OSBPL9: variants seen among roughly 807,000 people sequenced by gnomAD.
OSBPL9 encodes oxysterol-binding protein-related protein 9.
Under a neutral mutation model 106.6 loss-of-function variants are expected in OSBPL9, and 40 were observed. The ratio of observed to expected loss-of-function variants is 0.38; its 90% CI spans 0.29 to 0.49. The LOEUF (loss-of-function observed/expected upper bound fraction) is 0.49, where lower values mean the gene tolerates loss of function less well. Ranked by LOEUF, OSBPL9 falls within the 20% of genes least tolerant of loss-of-function variation. The pLI is 0.97. For synonymous variants in OSBPL9, 269 were observed against 295.4 expected (o/e 0.91, Z 0.92); for missense variants, 609 against 887.2 (o/e 0.69, Z 3.98).
the OSBPL9 span, chr1:51,518,560 GA>G: frequency 6.5e-6 from 1 of 152,802 alleles, no homozygotes; most frequent in African/African-American, 2.4e-5. Flanking sequence ...CTGAACGGAG[GA>G]AGGGGCCGGC....
the OSBPL9 span, among the ~76,000 whole-genome samples, chr1:51,546,248 C>T: frequency 6.6e-6 from 1 of 152,042 alleles, no homozygotes. Flanking sequence ...AATTCCTGAG[C>T]GCAAGCGATC....
At chr1:51,720,153 G>A (rs985776637) in intron 4 of OSBPL9, among the ~76,000 whole-genome samples, 6 of 152,122 alleles carry the variant, frequency 3.9e-5, no homozygotes, top group African/African-American at 1.4e-4. Flanking sequence ...AAGTAACTTG[G>A]TTTTAAGGTT....
intron 1 of OSBPL9, among the ~76,000 whole-genome samples, chr1:51,586,677 C>T (rs1175553235): frequency 6.6e-6 from 1 of 152,174 alleles, no homozygotes. Context: ...ACAATCCTAC[C>T]AGCCAGGCCC....
chr1:51,530,186 AAAAAAAC>A, the OSBPL9 span, among the ~76,000 whole-genome samples: 240 of 105,100 alleles, frequency 2.3e-3, 40 homozygotes, highest in African/African-American at 5.5e-3. Flanking sequence ...AAAAAAAAAA[AAAAAAAC>A]AAAAAAAAAA....
At chr1:51,740,259 A>AAAG in intron 4 of OSBPL9, 1 of 1,462,510 alleles carries the variant, frequency 6.8e-7, no homozygotes, top group Non-Finnish European at 9.0e-7. Context: ...TCATTGGATG[A>AAAG]AAGCTTATCT....
intron 1 of OSBPL9, among the ~76,000 whole-genome samples, chr1:51,585,775 C>CA (rs60469119): frequency 1.3e-5 from 2 of 150,530 alleles, no homozygotes; most frequent in Admixed American, 6.6e-5. Context: ...GACTCCATCT[C>CA]AAAAAATAAA....
At chr1:51,694,885 G>A (rs908679938) in intron 3 of OSBPL9, among the ~76,000 whole-genome samples, 1 of 152,186 alleles carries the variant, frequency 6.6e-6, no homozygotes, top group African/African-American at 2.4e-5. Context: ...GGCAATAAAT[G>A]TTGTCAATTT....
chr1:51,722,236 C>T (rs777691319), intron 4 of OSBPL9, among the ~76,000 whole-genome samples: 2 of 152,160 alleles, frequency 1.3e-5, no homozygotes, highest in Non-Finnish European at 2.9e-5. Flanking sequence ...AGCAGTTTCA[C>T]TCATCTTGTG....
chr1:51,713,968 A>C, intron 3 of OSBPL9, 35 bp from the exon 4 acceptor site: 1 of 1,509,838 alleles, frequency 6.6e-7, no homozygotes, highest in Non-Finnish European at 9.1e-7. Flanking sequence ...TATAGAATTA[A>C]ACTTTTAATT....
rs1243879817 is a variant in OSBPL9, at chr1:51,783,798, G to A, written c.1514-117G>A. ...AGGTAGGTACCTCCTGGCGTAATTG[G>A]AGGCTGTTTGAAGGGTAAAGGATTT... On this transcript the variant is annotated intron_variant, in intron 17 of 23. Coordinates refer to ENST00000428468, the MANE Select transcript of OSBPL9 (RefSeq NM_024586.6). 5.5e-5 allele frequency: 40 copies of A among 723,336 alleles called. No individual in the cohort carries two copies. The East Asian group carries it at 1.1e-3, about 19-fold the overall frequency. 44.8% of individuals were successfully genotyped at this position (723,336 alleles called of 1,614,324 possible).
At chr1:51,783,892 A>G (rs764712717) in intron 17 of OSBPL9, 23 bp from the exon 18 acceptor site, 11 of 1,532,778 alleles carry the variant, frequency 7.2e-6, no homozygotes, top group Non-Finnish European at 9.0e-6. Context: ...TATATAATCT[A>G]CTAATTGAAA....
chr1:51,668,446 AC>A (rs1474282849), intron 2 of OSBPL9, among the ~76,000 whole-genome samples: 1 of 151,958 alleles, frequency 6.6e-6, no homozygotes, highest in Admixed American at 6.6e-5. Flanking sequence ...ACAAGGTGAA[AC>A]CCTGTCTGTA....
At position 51,588,607 on chromosome 1, in the gene OSBPL9, C is replaced by T. The variant is rs568569469; in HGVS notation, c.-422-9517C>T. 1.1e-4 allele frequency among the ~76,000 whole-genome samples: 17 copies of T among 151,362 alleles called. No individual in the cohort carries two copies. The South Asian group carries it at 3.6e-3, about 32-fold the overall frequency. On this transcript the variant is annotated intron_variant, in intron 1 of 25. Coordinates refer to the OSBPL9 transcript ENST00000371714. Reference sequence around the variant, plus strand: ...TGGAGGCTGCAGTGAGCCATGACAGCACCACTGCACTCCAGCCTGGGTGAC... The same window carrying T: ...TGGAGGCTGCAGTGAGCCATGACAGTACCACTGCACTCCAGCCTGGGTGAC...
chr1:51,674,172 C>T (rs1374004518), intron 3 of OSBPL9, among the ~76,000 whole-genome samples: 1 of 151,650 alleles, frequency 6.6e-6, no homozygotes, highest in African/African-American at 2.4e-5. Context: ...GATCCTCCCA[C>T]CTTAGCCTCC....
intron 8 of OSBPL9, among the ~76,000 whole-genome samples, 196 bp downstream of exon 8, chr1:51,750,391 G>A (rs1668986402): frequency 2.0e-5 from 3 of 152,136 alleles, no homozygotes; most frequent in Admixed American, 2.0e-4. Flanking sequence ...TGTCATTTCT[G>A]GTAGCTGGGA....
intron 4 of OSBPL9, among the ~76,000 whole-genome samples, chr1:51,732,950 G>A (rs557001515): frequency 4.9e-4 from 75 of 152,266 alleles, no homozygotes; most frequent in African/African-American, 1.7e-3. Flanking sequence ...ACATGCCATA[G>A]CCTCTCACAG....
chr1:51,639,817 T>TA, intron 1 of OSBPL9, among the ~76,000 whole-genome samples: 1 of 74,136 alleles, frequency 1.3e-5, no homozygotes, highest in Non-Finnish European at 2.5e-5. Flanking sequence ...TTCCTAGTTG[T>TA]TTTTTTTTTT....
At chr1:51,617,013 CAGG>C, upstream of OSBPL9, 1 of 1,509,876 alleles carries the variant, frequency 6.6e-7, no homozygotes, top group African/African-American at 1.4e-5. Flanking sequence ...AGGACCCGCC[CAGG>C]ACCCGCCCCG....
At chr1:51,663,012 G>A (rs1363115963) in intron 2 of OSBPL9, among the ~76,000 whole-genome samples, 1 of 152,018 alleles carries the variant, frequency 6.6e-6, no homozygotes, top group South Asian at 2.1e-4. Flanking sequence ...CCAAAGTACT[G>A]GGATTACAGG....
Sources: gnomAD v4.1 joint callset for allele counts (sites outside exome capture counted in the v4.1 genomes callset) on GRCh38, gnomAD v4.1.1 for gene constraint, MANE v1.5 for transcripts, NCBI Gene and HGNC (gene_info 2026-07-23, HGNC 2026-07-21) for gene names.